Variants in STIM1 observed in about 807,000 individuals in gnomAD.
The protein encoded by STIM1 is stromal interaction molecule 1.
Under a neutral mutation model 74.7 loss-of-function variants are expected in STIM1, and 25 were observed. The ratio of observed to expected loss-of-function variants is 0.33; its 90% CI spans 0.24 to 0.47. STIM1 has a LOEUF of 0.47. STIM1 is among the 20% of genes least tolerant of loss of function. The probability of loss-of-function intolerance (pLI) is 1.00; values close to 1 mark genes in which losing one functional copy is unlikely to be tolerated. For synonymous variants in STIM1, 328 were observed against 348.8 expected (o/e 0.94, Z 0.66); for missense variants, 728 against 920.8 (o/e 0.79, Z 2.71).
intron 6 of STIM1, among the ~76,000 whole-genome samples, chr11:4,070,943 A>C (rs1199256262): frequency 1.3e-5 from 2 of 152,212 alleles, no homozygotes; most frequent in Admixed American, 6.5e-5. Context: ...CACCCACAAG[A>C]AGCAGCAGTG....
chr11:3,858,782 A>G (rs142071905), intron 1 of STIM1, among the ~76,000 whole-genome samples: 110 of 152,284 alleles, frequency 7.2e-4, no homozygotes, highest in African/African-American at 2.6e-3. Flanking sequence ...TGCAGTTTGT[A>G]TTTTACAATT....
intron 1 of STIM1, among the ~76,000 whole-genome samples, chr11:3,862,351 A>C (rs893281248): frequency 2.6e-5 from 4 of 152,280 alleles, no homozygotes; most frequent in Admixed American, 6.5e-5. Flanking sequence ...GGGAATGGAC[A>C]GGTGTACTAT....
intron 1 of STIM1, among the ~76,000 whole-genome samples, chr11:3,893,598 AT>A (rs2091962376): frequency 6.6e-6 from 1 of 151,818 alleles, no homozygotes; most frequent in South Asian, 2.1e-4. Flanking sequence ...CATTAGCAAT[AT>A]TATTTGTATA....
intron 1 of STIM1, among the ~76,000 whole-genome samples, chr11:3,916,180 T>C (rs2092640101): frequency 6.6e-6 from 1 of 152,234 alleles, no homozygotes; most frequent in Non-Finnish European, 1.5e-5. Flanking sequence ...AGTTTTATGG[T>C]TTAGCACTTA....
At chr11:4,059,185 G>A in intron 4 of STIM1, 96 bp from the exon 5 acceptor site, 2 of 1,085,134 alleles carry the variant, frequency 1.8e-6, no homozygotes, top group Non-Finnish European at 2.8e-6. Flanking sequence ...CAATCACCAA[G>A]AGCTAGAAGT....
rs533692595 is a variant in STIM1 at position 4,074,622 on chromosome 11, G to C, written c.912G>C (p.Arg304=). 3 of 1,606,086 alleles carry C rather than the reference G, an allele frequency of 1.9e-6. No homozygotes were observed. Among genetic ancestry groups the C allele is most frequent in the Admixed American group, 1.7e-5 (1 of 58,574 alleles). The stretch of plus-strand genomic sequence containing the variant: ...AAGCCCAGCGGCTGAAGGAGCTGCG[G>C]GAGGGTACTGAGAATGAGCGGAGCC... ...KQEAQRLKEL[R]EGTENERSRQ... The change falls in exon 7 of 13, where the codon CGG becomes CGC. Residue 304 remains arginine, a synonymous_variant. Coordinates refer to ENST00000526596, the MANE Select transcript of STIM1 (RefSeq NM_001382567.1).
intron 2 of STIM1, among the ~76,000 whole-genome samples, chr11:4,016,398 C>G (rs1483344063): frequency 1.3e-5 from 2 of 152,136 alleles, no homozygotes; most frequent in East Asian, 3.9e-4. Flanking sequence ...GCAAATGTTG[C>G]TGCCTGATCC....
intron 1 of STIM1, among the ~76,000 whole-genome samples, chr11:3,908,597 G>C (rs1266672486): frequency 1.6e-5 from 2 of 125,158 alleles, no homozygotes; most frequent in Non-Finnish European, 3.2e-5. Flanking sequence ...GGGTGACAGA[G>C]CGAGACTCCA....
chr11:3,907,560 A>G (rs1013344012), intron 1 of STIM1, among the ~76,000 whole-genome samples: 1 of 152,182 alleles, frequency 6.6e-6, no homozygotes, highest in African/African-American at 2.4e-5. Flanking sequence ...TAATAGCCTA[A>G]CTGATTGCCC....
At chr11:3,919,800 T>G (rs2092695117) in intron 1 of STIM1, among the ~76,000 whole-genome samples, 1 of 151,880 alleles carries the variant, frequency 6.6e-6, no homozygotes, top group Admixed American at 6.6e-5. Flanking sequence ...CACATAACAG[T>G]TTGGTGGTGG....
chr11:3,996,555 T>C (rs1298885519), intron 2 of STIM1, among the ~76,000 whole-genome samples: 3 of 152,146 alleles, frequency 2.0e-5, no homozygotes, highest in Non-Finnish European at 4.4e-5. Context: ...AACAGGGAGC[T>C]TGAGAGAGAA....
At chr11:4,061,806 A>G (rs2094332924) in intron 5 of STIM1, among the ~76,000 whole-genome samples, 1 of 152,272 alleles carries the variant, frequency 6.6e-6, no homozygotes, top group Admixed American at 6.5e-5. Context: ...TCACCTATAA[A>G]TGGAATGAAG....
At chr11:3,897,000 A>G (rs1310676097) in intron 1 of STIM1, among the ~76,000 whole-genome samples, 2 of 152,214 alleles carry the variant, frequency 1.3e-5, no homozygotes, top group African/African-American at 2.4e-5. Context: ...CATTATAATT[A>G]TCACTGTCTA....
At chr11:4,018,444 G>C (rs1259705774) in intron 2 of STIM1, among the ~76,000 whole-genome samples, 1 of 103,320 alleles carries the variant, frequency 9.7e-6, no homozygotes, top group African/African-American at 3.8e-5. Flanking sequence ...GGGCGACAGA[G>C]CGAGACTCCG....
At chr11:3,933,848 A>G (rs139389217) in intron 1 of STIM1, among the ~76,000 whole-genome samples, 1 of 152,180 alleles carries the variant, frequency 6.6e-6, no homozygotes, top group African/African-American at 2.4e-5. Context: ...AAGACGGAAG[A>G]TGGGGATGGC....
At chr11:4,015,143 A>G (rs1381217021) in intron 2 of STIM1, among the ~76,000 whole-genome samples, 2 of 152,084 alleles carry the variant, frequency 1.3e-5, no homozygotes, top group South Asian at 4.1e-4. Context: ...TCTTCATAGC[A>G]TCAATGGTCT....
intron 1 of STIM1, among the ~76,000 whole-genome samples, chr11:3,893,223 AT>A (rs1240583372): frequency 6.6e-6 from 1 of 152,222 alleles, no homozygotes; most frequent in Non-Finnish European, 1.5e-5. Context: ...CCCTAAGGCT[AT>A]TATGTGTTAT....
chr11:4,021,777 T>A (rs560049640), intron 2 of STIM1, among the ~76,000 whole-genome samples: 231 of 152,338 alleles, frequency 1.5e-3, no homozygotes, highest in Non-Finnish European at 2.6e-3. Flanking sequence ...TTGGGTAGTA[T>A]GAATATTTTA....
At chr11:3,988,986 TTAAA>T (rs1169662732) in intron 2 of STIM1, among the ~76,000 whole-genome samples, 1 of 152,224 alleles carries the variant, frequency 6.6e-6, no homozygotes, top group Non-Finnish European at 1.5e-5. Context: ...ATTTCACCTC[TTAAA>T]TAAAGCATTT....
Sources: allele counts gnomAD v4.1 joint callset (sites outside exome capture counted in the v4.1 genomes callset), GRCh38; gene constraint gnomAD v4.1.1; transcripts MANE v1.5; gene names NCBI Gene and HGNC (gene_info 2026-07-23, HGNC 2026-07-21).